The following ULK1 variants were observed in gnomAD, a reference collection of about 807,000 sequenced individuals.
The protein encoded by ULK1 is serine/threonine-protein kinase ULK1.
Under a neutral mutation model 117.5 loss-of-function variants are expected in ULK1, and 48 were observed. The observed-to-expected ratio is 0.41, with a 90% CI of 0.32 to 0.52. The LOEUF is 0.52. Ranked by LOEUF, ULK1 falls within the 20% of genes least tolerant of loss-of-function variation. The pLI, the probability that ULK1 is intolerant of heterozygous loss-of-function variation, is 0.29. For synonymous variants in ULK1, 790 were observed against 637.8 expected (o/e 1.24, Z -3.60); for missense variants, 1,387 against 1,473.4 (o/e 0.94, Z 0.96).
At chr12:131,920,732 G>T in intron 26 of ULK1, 1 of 254,816 alleles carries the variant, frequency 3.9e-6, no homozygotes, top group Admixed American at 4.9e-5. Context: ...CCTTTTTTAA[G>T]AAAATTTAAG....
At position 131,896,999 on chromosome 12, in the gene ULK1, C is replaced by T. The variant is rs9652058; in HGVS notation, c.246+1175C>T. On this transcript the variant is annotated intron_variant, in intron 3 of 27. Coordinates refer to ENST00000321867, the MANE Select transcript of ULK1 (RefSeq NM_003565.4). ...AGGCCAGGCCCTGTGACTGTCCGCA[C>T]GACCCCCGCAGACCCGGGACCAGTA... The T allele has an allele frequency of 4.8e-3, 740 of 152,772 alleles. 5 individuals carry two copies. Among genetic ancestry groups the T allele is most frequent in the Non-Finnish European group, 6.5e-3 (444 of 68,416 alleles). The allele number at this position is 152,772 out of a possible 1,614,324, so 9.5% of individuals were successfully genotyped here.
chr12:131,914,600 G>T, intron 16 of ULK1, 123 bp downstream of exon 16: 1 of 1,282,592 alleles, frequency 7.8e-7, no homozygotes, highest in Non-Finnish European at 1.0e-6. Context: ...TGCGCACTGC[G>T]TAACTCAGCA....
chr12:131,905,073 C>T (rs938368645), intron 3 of ULK1, among the ~76,000 whole-genome samples: 1 of 152,128 alleles, frequency 6.6e-6, no homozygotes, highest in South Asian at 2.1e-4. Flanking sequence ...AGGCCTGCCT[C>T]ATGGATAGGT....
At chr12:131,917,644 A>G in intron 22 of ULK1, 90 bp downstream of exon 22, 1 of 1,243,342 alleles carries the variant, frequency 8.0e-7, no homozygotes, top group East Asian at 3.1e-5. Context: ...GGGTCACTGG[A>G]CTACAGCCCC....
Position 131,913,250 on chromosome 12 carries a change from G to A in ULK1, c.1149G>A (p.Met383Ile), listed in dbSNP as rs745643361. Residue 383 changes from methionine (M) to isoleucine (I), a missense_variant, in exon 14 of 28, where the codon ATG (methionine) becomes ATA (isoleucine). Physicochemically the swap from Met to Ile is conservative, Grantham distance 10. This residue lies in a region of ULK1 where 260 missense variants were observed against 271.6 expected (regional missense o/e 0.96). Coordinates refer to ENST00000321867, the MANE Select transcript of ULK1 (RefSeq NM_003565.4). ...PSAKPPPDSLMCSGSSLVASA... is the reference protein window; with the variant it reads ...PSAKPPPDSLICSGSSLVASA... The stretch of plus-strand genomic sequence containing the variant: ...CCAAACCCCCGCCAGACAGCCTGAT[G>A]TGCAGTGGGTGAGCCCCCATCCCTT... 24 of 1,588,472 alleles carry A rather than the reference G, an allele frequency of 1.5e-5. No homozygotes were observed. The highest frequency in any genetic ancestry group is 2.0e-5 in the Non-Finnish European group (23 of 1,169,328).
chr12:131,909,964 C>G lies in ULK1; in HGVS notation c.771C>G (p.Ala257=). ...CCCCGCTGCGGCAGCTGCTCCTGGCCCTACTGCAACGCAACCACAAGGACC... is the reference window on the plus strand; with the variant it reads ...CCCCGCTGCGGCAGCTGCTCCTGGCGCTACTGCAACGCAACCACAAGGACC... ...TSAPLRQLLL[A]LLQRNHKDRM... is the part of the protein sequence containing the mutation. The change falls in exon 10 of 28, where the codon GCC becomes GCG. Residue 257 remains alanine (A), a synonymous_variant. Coordinates refer to ENST00000321867, the MANE Select transcript of ULK1 (RefSeq NM_003565.4). 6.2e-7 allele frequency: 1 copy of G among 1,612,122 alleles called. No homozygotes were observed. The highest frequency in any genetic ancestry group is 8.5e-7 in the Non-Finnish European group (1 of 1,179,840).
chr12:131,910,740 A>G lies in ULK1; in HGVS notation c.888A>G (p.Pro296=). The change falls in exon 12 of 28, where the codon CCA becomes CCG. Residue 296 remains proline (P), a synonymous_variant. Transcript: ENST00000321867. The part of the protein sequence containing the change: ...KSPPVPVPSY[P]SSGSGSSSSS... ...CACCCGTGCCTGTGCCCTCGTACCC[A>G]AGCTCGGGGTCCGGCAGCAGCTCCA... The G allele has an allele frequency of 6.2e-7, 1 of 1,612,920 alleles. No homozygotes were observed. Among genetic ancestry groups the G allele is most frequent in the Non-Finnish European group, 8.5e-7 (1 of 1,179,888 alleles).
At chr12:131,921,022 T>A in intron 26 of ULK1, 78 bp from the exon 27 acceptor site, 1 of 1,480,488 alleles carries the variant, frequency 6.8e-7, no homozygotes, top group South Asian at 1.3e-5. Flanking sequence ...CCTGGGCCGC[T>A]GCCGTGGGTG....
In ULK1 at chr12:131,907,486, C is replaced by G. The variant is rs778591323; in HGVS notation, c.280-9C>G. The G allele has an allele frequency of 1.2e-6, 2 of 1,612,692 alleles. No homozygotes were observed. The highest frequency in any genetic ancestry group is 1.7e-6 in the Non-Finnish European group (2 of 1,179,638). Reference sequence around the variant, plus strand: ...TGCTGCAGCCTGATGCGTGTCTGGTCTCTTGCAGTACTGCAACGGTGGGGA... The same window carrying G: ...TGCTGCAGCCTGATGCGTGTCTGGTGTCTTGCAGTACTGCAACGGTGGGGA... On this transcript the variant is annotated splice_polypyrimidine_tract_variant and intron_variant, in intron 4 of 27. Transcript: ENST00000321867.
At position 131,922,338 on chromosome 12, in the gene ULK1, C is replaced by A. The variant is rs1291910368; in HGVS notation, c.*977C>A. The A allele has an allele frequency of 1.8e-5, 6 of 325,118 alleles. No individual in the cohort carries two copies. The highest frequency in any genetic ancestry group is 3.7e-5 in the Non-Finnish European group (6 of 164,090). The allele number at this position is 325,118 out of a possible 1,614,324, so 20.1% of individuals were successfully genotyped here. A position where few individuals can be genotyped will look rare whatever the true frequency, so the allele number is the denominator to read the frequency against. ...CCCCTGCCGCCCCTCCCTGTGGCAG[C>A]AGCAGGACAGGTGTGTGCCCAGCAC... On this transcript the variant is annotated 3_prime_UTR_variant, in exon 28 of 28. Coordinates refer to ENST00000321867, the MANE Select transcript of ULK1 (RefSeq NM_003565.4).
chr12:131,909,445 C>T (rs2136392321), intron 8 of ULK1, among the ~76,000 whole-genome samples: 1 of 152,290 alleles, frequency 6.6e-6, no homozygotes, highest in African/African-American at 2.4e-5. Flanking sequence ...TGGGAGCTGC[C>T]CCCGGCAAGG....
rs540811369 is a variant in ULK1 at position 131,917,551 on chromosome 12, T to C, written c.2323T>C (p.Ser775Pro). 6.3e-6 allele frequency: 9 copies of C among 1,428,872 alleles called. No individual in the cohort carries two copies. The African/African-American group carries it at 1.0e-4, about 16-fold the overall frequency. 88.5% of individuals were successfully genotyped at this position (1,428,872 alleles called of 1,614,324 possible). The change falls in exon 22 of 28, where the codon TCA becomes CCA. Residue 775 changes from serine (S) to proline (P), a missense_variant. Physicochemically the swap from Ser to Pro is moderately conservative, Grantham distance 74. Around this residue, in one of 4 missense-constraint regions of ULK1, gnomAD observed 900 missense variants for 858.9 expected, o/e 1.05. Coordinates refer to ENST00000321867, the MANE Select transcript of ULK1 (RefSeq NM_003565.4). ...PPQGPRTRMFSAGPTGSASSS... is the reference protein window; with the variant it reads ...PPQGPRTRMFPAGPTGSASSS... The stretch of plus-strand genomic sequence containing the variant: ...CCAGGGCCCCCGCACCAGGATGTTC[T>C]CAGGTGAGGGCTGGCTAGGCTGAAG...
rs575355345 is a variant in ULK1 at position 131,901,267 on chromosome 12, G to A, written c.246+5443G>A. 1.4e-4 allele frequency among the ~76,000 whole-genome samples: 22 copies of A among 151,922 alleles called. 1 individual carries two copies. In the South Asian group the frequency reaches 4.6e-3, roughly 31 times the overall value. ...CCAGCTACTTGTGAGGCTGAGGCAG[G>A]AGAATCGCTTGAACCTGGGAGGTGG... On this transcript the variant is annotated intron_variant, in intron 3 of 27. Coordinates refer to ENST00000321867, the MANE Select transcript of ULK1 (RefSeq NM_003565.4).
At chr12:131,913,131 T>G (rs2136397772) in intron 13 of ULK1, 67 bp from the exon 14 acceptor site, 1 of 1,457,908 alleles carries the variant, frequency 6.9e-7, no homozygotes, top group African/African-American at 1.4e-5. Flanking sequence ...GCAGAGAGCC[T>G]CGGTGGGGTG....
intron 3 of ULK1, among the ~76,000 whole-genome samples, chr12:131,898,528 T>C (rs1395522050): frequency 6.6e-6 from 1 of 151,620 alleles, no homozygotes; most frequent in Non-Finnish European, 1.5e-5. Flanking sequence ...TGAGACTGAG[T>C]TTTGCTCTTG....
At chr12:131,914,595 A>G (rs1312153938) in intron 16 of ULK1, 118 bp downstream of exon 16, 19 of 1,339,252 alleles carry the variant, frequency 1.4e-5, no homozygotes, top group Non-Finnish European at 1.7e-5. Flanking sequence ...CAGGCTGCGC[A>G]CTGCGTAACT....
chr12:131,910,022 C>A (rs373941640), intron 10 of ULK1, 21 bp downstream of exon 10: 5 of 1,609,668 alleles, frequency 3.1e-6, no homozygotes, highest in Non-Finnish European at 4.2e-6. Flanking sequence ...ACCAGGGGCG[C>A]AGCTGGAGTC....
chr12:131,919,083 G>A (rs1890027786), intron 23 of ULK1, 129 bp from the exon 24 acceptor site: 3 of 1,083,770 alleles, frequency 2.8e-6, no homozygotes, highest in Non-Finnish European at 3.9e-6. Context: ...GCACATCCCA[G>A]CTGCCCGGGC....
chr12:131,914,823 AG>A (rs1276867831), intron 16 of ULK1, among the ~76,000 whole-genome samples: 1 of 152,106 alleles, frequency 6.6e-6, no homozygotes, highest in African/African-American at 2.4e-5. Context: ...CTTTAGGGTG[AG>A]GGTGCCTTGG....
Sources: allele counts gnomAD v4.1 joint callset (sites outside exome capture counted in the v4.1 genomes callset), GRCh38; gene constraint gnomAD v4.1.1; regional missense constraint gnomAD v4.1.1; transcripts MANE v1.5; gene names NCBI Gene and HGNC (gene_info 2026-07-23, HGNC 2026-07-21).